TEX9: variants seen among roughly 807,000 people sequenced by gnomAD.
TEX9 encodes the protein testis-expressed protein 9.
Under a neutral mutation model 59.6 loss-of-function variants are expected in TEX9, and 74 were observed. That is an observed-to-expected ratio of 1.24 (90% confidence interval 1.03 to 1.51). TEX9 has a LOEUF of 1.51. Among genes scored for constraint, TEX9 ranks in the 40% most tolerant of loss-of-function variants. The pLI is 0.00. For synonymous variants in TEX9, 186 were observed against 152.2 expected, an observed-to-expected ratio of 1.22 and a Z score of -1.64; for missense variants, 522 against 447.8, an observed-to-expected ratio of 1.17 and a Z score of -1.49.
intron 1 of TEX9, among the ~76,000 whole-genome samples, chr15:56,340,413 A>G (rs1423411424): frequency 6.6e-6 from 1 of 152,186 alleles, no homozygotes; most frequent in Non-Finnish European, 1.5e-5. Context: ...TTCAATCAGA[A>G]CTTTTATTCA....
At chr15:56,460,009 A>AAAAAATATATATATATATAT in the TEX9 span, among the ~76,000 whole-genome samples, 3 of 26,382 alleles carry the variant, frequency 1.1e-4, no homozygotes, top group Non-Finnish European at 2.1e-4. Flanking sequence ...AAAAAAAAAA[A>AAAAAATATATATATATATAT]ATACATATAT....
At chr15:56,361,638 C>T (rs2141921725), upstream of TEX9, among the ~76,000 whole-genome samples, 1 of 152,256 alleles carries the variant, frequency 6.6e-6, no homozygotes, top group East Asian at 1.9e-4. Flanking sequence ...TCCTAACCCC[C>T]AGTACCTGTG....
intron 1 of TEX9, chr15:56,323,510 G>T: frequency 5.1e-6 from 1 of 197,058 alleles, no homozygotes; most frequent in Non-Finnish European, 1.0e-5. Flanking sequence ...CAAATGACAA[G>T]CAGCCTTATG....
At chr15:56,419,704 T>G (rs2049875222) in intron 10 of TEX9, among the ~76,000 whole-genome samples, 1 of 151,864 alleles carries the variant, frequency 6.6e-6, no homozygotes, top group Non-Finnish European at 1.5e-5. Flanking sequence ...TTAGTTTTCT[T>G]ATACATTATT....
intron 1 of TEX9, among the ~76,000 whole-genome samples, chr15:56,341,245 A>T (rs2046367115): frequency 6.6e-6 from 1 of 152,136 alleles, no homozygotes; most frequent in Admixed American, 6.6e-5. Flanking sequence ...GCTTAGCAAC[A>T]GTTATGCAAT....
chr15:56,295,404 G>C (rs958354707), intron 1 of TEX9, among the ~76,000 whole-genome samples: 5 of 152,200 alleles, frequency 3.3e-5, no homozygotes, highest in Non-Finnish European at 7.3e-5. Context: ...TCACTCTGAT[G>C]TTCTAACTGG....
intron 1 of TEX9, among the ~76,000 whole-genome samples, chr15:56,313,675 G>C (rs1490483071): frequency 7.2e-6 from 1 of 139,546 alleles, no homozygotes; most frequent in African/African-American, 2.6e-5. Context: ...AAATGAGTTA[G>C]GGAGGATTCC....
chr15:56,291,120 G>C (rs951299378), intron 1 of TEX9, among the ~76,000 whole-genome samples: 1 of 152,178 alleles, frequency 6.6e-6, no homozygotes, highest in Non-Finnish European at 1.5e-5. Flanking sequence ...AAATGATCCT[G>C]ATGCACCTAG....
intron 12 of TEX9, chr15:56,443,757 C>T (rs1268013421): frequency 5.0e-6 from 8 of 1,613,048 alleles, no homozygotes; most frequent in Non-Finnish European, 6.8e-6. Flanking sequence ...TCTTCCATCT[C>T]CTCACGTTTC....
intron 10 of TEX9, among the ~76,000 whole-genome samples, chr15:56,423,086 A>G (rs1251489702): frequency 6.6e-6 from 1 of 152,170 alleles, no homozygotes; most frequent in Non-Finnish European, 1.5e-5. Flanking sequence ...TTTGGCTAGT[A>G]TGAGTTGCAC....
chr15:56,424,029 CTTATTGCT>C lies in TEX9; in HGVS notation c.964-3569_964-3562del, dbSNP rs567597309. 1.5e-3 allele frequency among the ~76,000 whole-genome samples: 225 copies of C among 152,222 alleles called. 2 individuals are homozygous for C. The highest frequency in any genetic ancestry group is 2.3e-3 in the Non-Finnish European group (158 of 68,006). On this transcript the variant is annotated intron_variant, in intron 10 of 12. Transcript: ENST00000352903. ...TTGGTCTATAATGTTGTTCAAGTCC[CTTATTGCT>C]TTATTGGTCTTCCATCCGGTGATTC... is the stretch of plus-strand genomic sequence containing the variant.
chr15:56,449,089 A>G (rs149617082), downstream of TEX9, among the ~76,000 whole-genome samples: 197 of 152,272 alleles, frequency 1.3e-3, no homozygotes, highest in African/African-American at 4.5e-3. Context: ...TACACATACA[A>G]TCATATCATC....
chr15:56,296,099 CCTT>C (rs2045211445), intron 1 of TEX9, among the ~76,000 whole-genome samples: 1 of 152,188 alleles, frequency 6.6e-6, no homozygotes, highest in Non-Finnish European at 1.5e-5. Context: ...ATCAGTTCCT[CCTT>C]CTGTTCCATC....
intron 1 of TEX9, among the ~76,000 whole-genome samples, chr15:56,358,027 T>G (rs967715493): frequency 2.0e-5 from 3 of 152,138 alleles, no homozygotes; most frequent in Non-Finnish European, 4.4e-5. Flanking sequence ...TAGAAATTTT[T>G]TCTTGAAAAA....
intron 1 of TEX9, among the ~76,000 whole-genome samples, chr15:56,355,916 T>C (rs769147476): frequency 5.5e-4 from 84 of 152,076 alleles, no homozygotes; most frequent in Non-Finnish European, 9.6e-4. Flanking sequence ...TTTTATAGTA[T>C]ATAAAACTAT....
At chr15:56,414,273 G>A (rs751714645) in intron 10 of TEX9, among the ~76,000 whole-genome samples, 1 of 151,498 alleles carries the variant, frequency 6.6e-6, no homozygotes, top group Non-Finnish European at 1.5e-5. Flanking sequence ...TAGGTTTGTG[G>A]GTACATGTGA....
Position 56,417,558 on chromosome 15 carries a change from T to G in TEX9, c.963+5122T>G, listed in dbSNP as rs2049755770. 3.3e-5 allele frequency among the ~76,000 whole-genome samples: 4 copies of G among 121,764 alleles called. No individual in the cohort carries two copies. The South Asian group carries it at 1.3e-3, about 40-fold the overall frequency. 79.9% of individuals were successfully genotyped at this position (121,764 alleles called of 152,430 possible). A position where few individuals can be genotyped will look rare whatever the true frequency, so the allele number is the denominator to read the frequency against. Reference sequence around the variant, plus strand: ...ATTGTGCTGTGGTCCAAGAGTGTGTTTGGTATGATTTCGTTCTTTTACATT... The same window carrying G: ...ATTGTGCTGTGGTCCAAGAGTGTGTGTGGTATGATTTCGTTCTTTTACATT... On this transcript the variant is annotated intron_variant, in intron 10 of 12. Transcript: ENST00000352903.
chr15:56,365,144 C>T (rs1257657878), upstream of TEX9, among the ~76,000 whole-genome samples: 1 of 152,234 alleles, frequency 6.6e-6, no homozygotes, highest in Admixed American at 6.5e-5. Context: ...GATTGCCTCA[C>T]CAGCTTGCTT....
At chr15:56,319,492 T>C (rs2045855414) in intron 1 of TEX9, among the ~76,000 whole-genome samples, 1 of 152,072 alleles carries the variant, frequency 6.6e-6, no homozygotes, top group Admixed American at 6.5e-5. Flanking sequence ...AATCACACAT[T>C]ATTCTTCTTT....
Sources: allele counts gnomAD v4.1 joint callset (sites outside exome capture counted in the v4.1 genomes callset), GRCh38; gene constraint gnomAD v4.1.1; transcripts MANE v1.5; gene names NCBI Gene and HGNC (gene_info 2026-07-23, HGNC 2026-07-21).